The following PRH1 variants were observed in gnomAD, a reference collection of about 807,000 sequenced individuals.
The protein encoded by PRH1 is salivary acidic proline-rich phosphoprotein 1/2.
Under a neutral mutation model 7.9 loss-of-function variants are expected in PRH1, and 7 were observed. The observed-to-expected ratio is 0.89, with a 90% CI of 0.50 to 1.67. The LOEUF (loss-of-function observed/expected upper bound fraction) is 1.67, where lower values mean the gene tolerates loss of function less well. PRH1 is among the 40% of genes most tolerant of loss of function. The probability of loss-of-function intolerance (pLI) is 0.00; values close to 1 mark genes in which losing one functional copy is unlikely to be tolerated. For synonymous variants in PRH1, 45 were observed against 80.8 expected, an observed-to-expected ratio of 0.56 and a Z score of 2.38; for missense variants, 109 against 223.6, an observed-to-expected ratio of 0.49 and a Z score of 3.27.
intron 1 of PRH1, among the ~76,000 whole-genome samples, chr12:11,059,904 CT>C (rs1313932467): frequency 6.6e-6 from 1 of 152,090 alleles, no homozygotes; most frequent in Non-Finnish European, 1.5e-5. Context: ...ACCATCTATT[CT>C]TGTTGCTGGG....
downstream of PRH1, among the ~76,000 whole-genome samples, chr12:11,117,347 A>G (rs1945759522): frequency 6.6e-6 from 1 of 152,142 alleles, no homozygotes; most frequent in South Asian, 2.1e-4. Flanking sequence ...CCTGAAAATT[A>G]ACTCAGCCAA....
intron 1 of PRH1, among the ~76,000 whole-genome samples, chr12:11,151,194 G>A (rs1246525719): frequency 6.6e-6 from 1 of 151,902 alleles, no homozygotes; most frequent in Non-Finnish European, 1.5e-5. Context: ...GTGAGAACCT[G>A]CAAGAGTCTG....
intron 2 of PRH1, among the ~76,000 whole-genome samples, chr12:10,934,563 AT>A (rs1950259873): frequency 1.3e-5 from 2 of 152,134 alleles, no homozygotes. Flanking sequence ...TTCTTCATCT[AT>A]CACATGTACC....
chr12:10,937,290 G>C (rs1591699767), intron 2 of PRH1: 1 of 151,294 alleles, frequency 6.6e-6, no homozygotes, highest in South Asian at 2.1e-4. Flanking sequence ...ATTAAATCTA[G>C]AATGCATAGA....
At chr12:11,144,176 C>T (rs1946797599) in intron 1 of PRH1, among the ~76,000 whole-genome samples, 1 of 152,078 alleles carries the variant, frequency 6.6e-6, no homozygotes, top group Non-Finnish European at 1.5e-5. Flanking sequence ...CTTTGTCTTC[C>T]ACTACCAGGG....
chr12:11,083,454 G>GT (rs1212135319), intron 1 of PRH1, among the ~76,000 whole-genome samples: 1 of 152,226 alleles, frequency 6.6e-6, no homozygotes, highest in East Asian at 1.9e-4. Context: ...ATAAGAATAT[G>GT]TTTTTTCAGC....
At chr12:10,887,378 C>T (rs868561353), upstream of PRH1, among the ~76,000 whole-genome samples, 1 of 152,104 alleles carries the variant, frequency 6.6e-6, no homozygotes, top group Admixed American at 6.6e-5. Flanking sequence ...ACACAATAGT[C>T]TCTGAGACTT....
At chr12:11,062,253 C>A (rs1232692347) in intron 1 of PRH1, 1 of 1,612,896 alleles carries the variant, frequency 6.2e-7, no homozygotes, top group East Asian at 2.2e-5. Flanking sequence ...CAAATGTAAC[C>A]ACTATTAGAA....
At chr12:11,086,104 TC>T (rs144220978) in intron 1 of PRH1, among the ~76,000 whole-genome samples, 5 of 110,296 alleles carry the variant, frequency 4.5e-5, no homozygotes, top group African/African-American at 1.3e-4. Context: ...ATAAACACAT[TC>T]CCCCCCCCAC....
intron 1 of PRH1, among the ~76,000 whole-genome samples, chr12:11,019,331 C>T (rs1941470243): frequency 6.6e-6 from 1 of 152,266 alleles, no homozygotes. Flanking sequence ...ATATCAACAT[C>T]ACGACACATG....
chr12:11,133,395 T>C, intron 1 of PRH1: 1 of 1,613,962 alleles, frequency 6.2e-7, no homozygotes. Context: ...TTTAGCTTCT[T>C]GTTTCCCAAA....
intron 2 of PRH1, among the ~76,000 whole-genome samples, chr12:10,943,932 C>G (rs909289808): frequency 1.3e-5 from 2 of 152,106 alleles, no homozygotes; most frequent in Non-Finnish European, 2.9e-5. Context: ...GGTGTATGTA[C>G]CTGTTTTTAT....
intron 1 of PRH1, among the ~76,000 whole-genome samples, chr12:11,143,352 AATAC>A (rs1423877517): frequency 2.6e-5 from 4 of 152,214 alleles, no homozygotes; most frequent in Non-Finnish European, 5.9e-5. Context: ...CAAAAAACAT[AATAC>A]AATGGATACA....
chr12:10,963,005 C>T (rs925334723), intron 2 of PRH1, among the ~76,000 whole-genome samples: 4 of 152,284 alleles, frequency 2.6e-5, no homozygotes, highest in South Asian at 2.1e-4. Flanking sequence ...CTCCTGACCT[C>T]GTGATCCGCC....
rs1018581249 is a variant in PRH1, at chr12:11,022,643, C to T, written c.-126+24377G>A. 33 of 1,103,998 alleles carry T rather than the reference C, an allele frequency of 3.0e-5. No individual in the cohort carries two copies. In the Admixed American group the frequency reaches 3.6e-4, roughly 12 times the overall value. The allele number at this position is 1,103,998 out of a possible 1,614,324, so 68.4% of individuals were successfully genotyped here. A position where few individuals can be genotyped will look rare whatever the true frequency, so the allele number is the denominator to read the frequency against. On this transcript the variant is annotated intron_variant, in intron 1 of 3. Transcript: ENST00000539853. ...TCCTTTAACATCCAGATGTTAACTT[C>T]GATGAACACTTGATTACTAAATGTG...
At chr12:11,061,657 C>T in intron 1 of PRH1, 1 of 1,614,050 alleles carries the variant, frequency 6.2e-7, no homozygotes, top group Non-Finnish European at 8.5e-7. Flanking sequence ...AGATCCTTTG[C>T]CATGGAGCTG....
intron 1 of PRH1, among the ~76,000 whole-genome samples, chr12:11,058,227 C>T (rs187143061): frequency 6.6e-6 from 1 of 152,038 alleles, no homozygotes; most frequent in Non-Finnish European, 1.5e-5. Flanking sequence ...CAGAATGAGA[C>T]CCTGTCTCAA....
intron 1 of PRH1, among the ~76,000 whole-genome samples, chr12:11,000,111 T>C (rs1940511636): frequency 6.6e-6 from 1 of 152,112 alleles, no homozygotes; most frequent in African/African-American, 2.4e-5. Context: ...CTCACAGACA[T>C]AGAAAAGTGC....
At chr12:11,058,885 A>G (rs929826705) in intron 1 of PRH1, among the ~76,000 whole-genome samples, 47 of 152,200 alleles carry the variant, frequency 3.1e-4, no homozygotes, top group Admixed American at 3.1e-3. Flanking sequence ...AGCGGCACAA[A>G]GAGTGGTGGT....
Sources: gnomAD v4.1 joint callset for allele counts (sites outside exome capture counted in the v4.1 genomes callset) on GRCh38, gnomAD v4.1.1 for gene constraint, MANE v1.5 for transcripts, NCBI Gene and HGNC (gene_info 2026-07-23, HGNC 2026-07-21) for gene names.